The following ZSCAN30 variants were observed in gnomAD, a reference collection of about 807,000 sequenced individuals.
ZSCAN30 encodes the protein zinc finger and SCAN domain containing 30.
A neutral mutation model predicts 44.3 loss-of-function variants in ZSCAN30; 37 were observed. The observed-to-expected ratio is 0.84, with a 90% confidence interval of 0.64 to 1.10. ZSCAN30 has a LOEUF of 1.10. Ranked by LOEUF, ZSCAN30 falls within the 50% of genes least tolerant of loss-of-function variation. The probability of loss-of-function intolerance (pLI) is 0.00; values close to 1 mark genes in which losing one functional copy is unlikely to be tolerated. For synonymous variants in ZSCAN30, 181 were observed against 204.6 expected (o/e 0.88, Z 0.98); for missense variants, 549 against 582.6 (o/e 0.94, Z 0.59).
At chr18:35,287,537 G>A (rs985503728) in intron 1 of ZSCAN30, among the ~76,000 whole-genome samples, 4 of 76,270 alleles carry the variant, frequency 5.2e-5, no homozygotes, top group African/African-American at 2.1e-4. Flanking sequence ...ACTCAGAGGA[G>A]AAAGAAATGG....
chr18:35,279,648 C>T (rs1156398147), intron 1 of ZSCAN30, among the ~76,000 whole-genome samples: 1 of 152,182 alleles, frequency 6.6e-6, no homozygotes, highest in Non-Finnish European at 1.5e-5. Context: ...GGGTCTGCTT[C>T]CTGGTTCATA....
rs2044079336 is a variant in ZSCAN30, at chr18:35,263,556, C to T, written c.510G>A (p.Gln170=). The change falls in exon 3 of 4, where the codon CAG becomes CAA. Residue 170 remains glutamine (Q), a synonymous_variant. Transcript: ENST00000333206. ...LNSPVQPLEN[Q]CKTETQESQA... ...GGGACTCCTGAGTCTCAGTCTTGCA[C>T]TGGTTCTCTAAGGGCTGCACCGGGC... is the stretch of plus-strand genomic sequence containing the variant. 1 of 1,614,194 alleles carries T rather than the reference C, an allele frequency of 6.2e-7. No homozygotes were observed. Among genetic ancestry groups the T allele is most frequent in the East Asian group, 2.2e-5 (1 of 44,882 alleles).
intron 1 of ZSCAN30, among the ~76,000 whole-genome samples, chr18:35,278,758 T>A (rs1282453245): frequency 6.6e-6 from 1 of 152,210 alleles, no homozygotes; most frequent in Non-Finnish European, 1.5e-5. Flanking sequence ...TGCTTGGAAA[T>A]ATCCTCAGCT....
intron 1 of ZSCAN30, among the ~76,000 whole-genome samples, chr18:35,288,546 T>G (rs769876982): frequency 2.4e-4 from 36 of 152,180 alleles, no homozygotes; most frequent in Non-Finnish European, 4.3e-4. Context: ...AAACCTGGAA[T>G]AACCCAAATG....
At position 35,251,105 on chromosome 18, in the gene ZSCAN30, C is replaced by A. The variant is rs2043575992; in HGVS notation, c.*2345G>T. The A allele has an allele frequency of 6.6e-6, 1 of 152,134 alleles. No homozygotes were observed. The highest frequency in any genetic ancestry group is 1.5e-5 in the Non-Finnish European group (1 of 68,036). 9.4% of individuals were successfully genotyped at this position (152,134 alleles called of 1,614,324 possible). ...ATTGCAATACATCTTGCATTACATT[C>A]TAATAATAAACGGTTGAAGTATAAA... On this transcript the variant is annotated 3_prime_UTR_variant, in exon 4 of 4. Transcript: ENST00000333206.
chr18:35,290,185 C>A lies in ZSCAN30; in HGVS notation c.-205G>T, dbSNP rs1395730858. The A allele has an allele frequency of 5.9e-5, 9 of 152,240 alleles. No individual in the cohort carries two copies. Among genetic ancestry groups the A allele is most frequent in the African/African-American group, 2.2e-4 (9 of 41,460 alleles). 9.4% of individuals were successfully genotyped at this position (152,240 alleles called of 1,614,324 possible). A position where few individuals can be genotyped will look rare whatever the true frequency, so the allele number is the denominator to read the frequency against. On this transcript the variant is annotated 5_prime_UTR_variant, in exon 1 of 4. It adds an upstream start codon to the 5' untranslated region. Coordinates refer to ENST00000333206, the MANE Select transcript of ZSCAN30 (RefSeq NM_001112734.4). ...GATCTGTCGCTGGCCAAGCAGGTCCCTGGCTAAGGCACTGCTAGGGACAGC... is the reference window on the plus strand; with the variant it reads ...GATCTGTCGCTGGCCAAGCAGGTCCATGGCTAAGGCACTGCTAGGGACAGC...
chr18:35,280,148 C>T (rs59136341), intron 1 of ZSCAN30, among the ~76,000 whole-genome samples: 1,813 of 151,884 alleles, frequency 0.012, 33 homozygotes, highest in African/African-American at 0.039. Flanking sequence ...TGGTGGCATG[C>T]GCCTATATTC....
intron 1 of ZSCAN30, among the ~76,000 whole-genome samples, chr18:35,285,790 T>A (rs1021621670): frequency 6.6e-6 from 1 of 150,956 alleles, no homozygotes; most frequent in East Asian, 1.9e-4. Context: ...CAACTTCCAC[T>A]TAAAGTAACC....
rs567454320 is a variant in ZSCAN30, at chr18:35,278,736, C to T, written c.-104+11348G>A. On this transcript the variant is annotated intron_variant, in intron 1 of 3. Coordinates refer to ENST00000333206, the MANE Select transcript of ZSCAN30 (RefSeq NM_001112734.4). ...AGAAGGAAGGAAAAAACAAGCTACACCTTCTACTCCTTGCTTGGAAATATC... is the reference window on the plus strand; with the variant it reads ...AGAAGGAAGGAAAAAACAAGCTACATCTTCTACTCCTTGCTTGGAAATATC... Among the ~76,000 whole-genome samples, 10 of 152,314 alleles carry T rather than the reference C, an allele frequency of 6.6e-5. 1 individual carries two copies. The South Asian group carries it at 1.7e-3, about 25-fold the overall frequency.
At chr18:35,289,468 C>G (rs748156603) in intron 1 of ZSCAN30, 9 of 152,176 alleles carry the variant, frequency 5.9e-5, no homozygotes, top group Non-Finnish European at 1.3e-4. Context: ...TAGCCACCCA[C>G]CATTTTCTCA....
At chr18:35,273,424 TTTTA>T (rs754256642) in intron 1 of ZSCAN30, among the ~76,000 whole-genome samples, 82 of 152,380 alleles carry the variant, frequency 5.4e-4, no homozygotes, top group African/African-American at 1.7e-3. Flanking sequence ...ATACACCACA[TTTTA>T]TTTATCCATT....
chr18:35,261,906 A>G (rs979656013), intron 3 of ZSCAN30: 2 of 152,198 alleles, frequency 1.3e-5, no homozygotes, highest in Admixed American at 1.3e-4. Flanking sequence ...TGCTTGGTGC[A>G]GAAGATACTT....
At position 35,253,949 on chromosome 18, in the gene ZSCAN30, T is replaced by G. The variant is rs1483352329; in HGVS notation, c.986A>C (p.Tyr329Ser). The part of the protein sequence containing the change: ...HQRIHTGERP[Y>S]ACKECGKAFS... ...GGCTTTGCCACATTCTTTACATGCA[T>G]AAGGTCTCTCTCCAGTATGAATTCT... The change falls in exon 4 of 4, where the codon TAT (tyrosine) becomes TCT (serine). Residue 329 changes from tyrosine to serine, a missense_variant. Physicochemically the swap from Tyr to Ser is moderately radical, Grantham distance 144. Coordinates refer to ENST00000333206, the MANE Select transcript of ZSCAN30 (RefSeq NM_001112734.4). The G allele has an allele frequency of 6.2e-7, 1 of 1,614,182 alleles. No individual in the cohort carries two copies. The highest frequency in any genetic ancestry group is 8.5e-7 in the Non-Finnish European group (1 of 1,180,022).
chr18:35,253,369 G>T lies in ZSCAN30; in HGVS notation c.*81C>A. ...GGGAAGGACAGAAGTTCTGCTCTCA[G>T]GAAACTTTTCTTTTCTGTGGAGTCT... On this transcript the variant is annotated 3_prime_UTR_variant, in exon 4 of 4. Transcript: ENST00000333206. The T allele has an allele frequency of 7.2e-6, 9 of 1,241,734 alleles. No homozygotes were observed. Among genetic ancestry groups the T allele is most frequent in the Non-Finnish European group, 1.0e-5 (9 of 899,700 alleles). 76.9% of individuals were successfully genotyped at this position (1,241,734 alleles called of 1,614,324 possible).
At chr18:35,272,249 C>T (rs760814119) in intron 1 of ZSCAN30, among the ~76,000 whole-genome samples, 14 of 152,178 alleles carry the variant, frequency 9.2e-5, no homozygotes, top group Non-Finnish European at 1.3e-4. Flanking sequence ...AGGCTGGTCT[C>T]GAACTCCTGA....
intron 3 of ZSCAN30, chr18:35,257,598 T>C (rs994804023): frequency 1.5e-5 from 5 of 332,606 alleles, no homozygotes; most frequent in Non-Finnish European, 2.8e-5. Context: ...CCTCCAGAAC[T>C]GTGAGAAGTA....
At chr18:35,276,610 T>C (rs1032789308) in intron 1 of ZSCAN30, among the ~76,000 whole-genome samples, 2 of 152,160 alleles carry the variant, frequency 1.3e-5, no homozygotes, top group Non-Finnish European at 2.9e-5. Context: ...TTCCACATGG[T>C]GTTGAGCCTG....
At chr18:35,262,207 C>T (rs2044041768) in intron 3 of ZSCAN30, 1 of 152,226 alleles carries the variant, frequency 6.6e-6, no homozygotes, top group South Asian at 2.1e-4. Flanking sequence ...CCAGACTGAA[C>T]AAATGCAATT....
chr18:35,269,540 G>A (rs1050390748), intron 1 of ZSCAN30: 16 of 150,874 alleles, frequency 1.1e-4, no homozygotes, highest in African/African-American at 3.9e-4. Context: ...ACCATCTTAA[G>A]TCCTTTTATC....
Sources: allele counts gnomAD v4.1 joint callset (sites outside exome capture counted in the v4.1 genomes callset), GRCh38; gene constraint gnomAD v4.1.1; transcripts MANE v1.5; gene names NCBI Gene and HGNC (gene_info 2026-07-23, HGNC 2026-07-21).